Variants in FMN1 observed in about 807,000 individuals in gnomAD.
FMN1 encodes formin-1.
A neutral mutation model predicts 132.4 loss-of-function variants in FMN1; 110 were observed. The ratio of observed to expected loss-of-function variants is 0.83; its 90% confidence interval spans 0.71 to 0.97. The LOEUF (loss-of-function observed/expected upper bound fraction) is 0.97. Among genes scored for constraint, FMN1 ranks in the 50% least tolerant of loss-of-function variants. The probability of loss-of-function intolerance (pLI) is 0.00; values close to 1 mark genes in which losing one functional copy is unlikely to be tolerated. For synonymous variants in FMN1, 722 were observed against 651.7 expected, an observed-to-expected ratio of 1.11 and a Z score of -1.64; for missense variants, 1,792 against 1,705.3, an observed-to-expected ratio of 1.05 and a Z score of -0.90.
intron 4 of FMN1, among the ~76,000 whole-genome samples, chr15:33,151,637 T>A (rs1254850148): frequency 6.6e-6 from 1 of 152,178 alleles, no homozygotes; most frequent in Non-Finnish European, 1.5e-5. Context: ...TAATGCACAG[T>A]TTCTGCAGTT....
chr15:33,191,465 T>G (rs1305102029), intron 2 of FMN1, among the ~76,000 whole-genome samples: 14 of 151,918 alleles, frequency 9.2e-5, no homozygotes, highest in Admixed American at 9.2e-4. Context: ...AGTGGGGAGG[T>G]AAGGATGTCC....
chr15:32,946,199 C>T (rs1285383083), intron 9 of FMN1, among the ~76,000 whole-genome samples: 3 of 152,178 alleles, frequency 2.0e-5, no homozygotes, highest in Non-Finnish European at 4.4e-5. Flanking sequence ...TTAGTCTTAT[C>T]CTCCTTCTTA....
intron 9 of FMN1, among the ~76,000 whole-genome samples, chr15:32,938,538 T>C (rs941563215): frequency 1.3e-5 from 2 of 152,104 alleles, no homozygotes; most frequent in Non-Finnish European, 2.9e-5. Context: ...TGAAGAAATG[T>C]TCCAAATTTT....
At chr15:33,015,553 T>C (rs977748984) in intron 6 of FMN1, among the ~76,000 whole-genome samples, 4 of 152,182 alleles carry the variant, frequency 2.6e-5, no homozygotes, top group African/African-American at 9.7e-5. Context: ...CTGGATTATG[T>C]ACAGTTAGGA....
chr15:32,823,935 C>T (rs2058300863), intron 17 of FMN1, among the ~76,000 whole-genome samples: 1 of 152,232 alleles, frequency 6.6e-6, no homozygotes, highest in African/African-American at 2.4e-5. Context: ...CTACTGCAAA[C>T]ATAGGGAAGA....
intron 19 of FMN1, among the ~76,000 whole-genome samples, chr15:32,779,041 C>T (rs1022609693): frequency 6.6e-6 from 1 of 152,126 alleles, no homozygotes; most frequent in East Asian, 1.9e-4. Flanking sequence ...AAACATTGTG[C>T]TAAGTGAAAG....
chr15:33,098,651 G>A (rs1171252555), intron 4 of FMN1, among the ~76,000 whole-genome samples: 1 of 152,212 alleles, frequency 6.6e-6, no homozygotes, highest in Non-Finnish European at 1.5e-5. Flanking sequence ...CAATGATTAT[G>A]AGACAGCGGA....
At chr15:32,968,642 G>T in intron 8 of FMN1, 72 bp downstream of exon 8, 1 of 1,593,104 alleles carries the variant, frequency 6.3e-7, no homozygotes, top group Non-Finnish European at 8.5e-7. Flanking sequence ...TATTGACCCG[G>T]TAAGAATAAA....
At chr15:32,801,431 T>C (rs1237405721) in intron 18 of FMN1, among the ~76,000 whole-genome samples, 3 of 152,162 alleles carry the variant, frequency 2.0e-5, no homozygotes, top group African/African-American at 7.2e-5. Flanking sequence ...GGCCTGGCTT[T>C]GGCACTCAGC....
intron 2 of FMN1, among the ~76,000 whole-genome samples, chr15:33,185,575 T>A (rs557112071): frequency 1.4e-5 from 2 of 146,454 alleles, no homozygotes; most frequent in South Asian, 4.3e-4. Context: ...AGAATTTTTT[T>A]TTTTTTTTTT....
intron 6 of FMN1, among the ~76,000 whole-genome samples, chr15:33,058,021 A>G (rs919031884): frequency 2.1e-4 from 29 of 140,892 alleles, no homozygotes; most frequent in African/African-American, 2.6e-4. Flanking sequence ...CGGGGCTGGT[A>G]GTGGAAAGGC....
chr15:33,049,799 T>C (rs1453175060), intron 6 of FMN1, among the ~76,000 whole-genome samples: 1 of 152,244 alleles, frequency 6.6e-6, no homozygotes, highest in Non-Finnish European at 1.5e-5. Flanking sequence ...CCGTTGCTTC[T>C]GTACTTCACT....
intron 10 of FMN1, among the ~76,000 whole-genome samples, chr15:32,919,505 A>C (rs1444105997): frequency 1.3e-5 from 2 of 152,226 alleles, no homozygotes; most frequent in South Asian, 4.1e-4. Flanking sequence ...CAGGCTCATA[A>C]GAACCCAAAG....
intron 17 of FMN1, among the ~76,000 whole-genome samples, chr15:32,813,779 T>C (rs1324679576): frequency 1.3e-5 from 2 of 152,186 alleles, no homozygotes; most frequent in Non-Finnish European, 1.5e-5. Flanking sequence ...GATACCCAAG[T>C]AGATGAAGCG....
chr15:32,815,713 T>A (rs1476972165), intron 17 of FMN1, among the ~76,000 whole-genome samples: 1 of 152,192 alleles, frequency 6.6e-6, no homozygotes, highest in Non-Finnish European at 1.5e-5. Context: ...CCAAGGACAG[T>A]CAACCTAATG....
intron 19 of FMN1, among the ~76,000 whole-genome samples, chr15:32,792,444 C>G (rs1398692505): frequency 7.6e-6 from 1 of 132,010 alleles, no homozygotes; most frequent in African/African-American, 2.6e-5. Flanking sequence ...GACTCTGTCT[C>G]AAAACAAAAT....
chr15:33,093,873 A>G (rs560281744), intron 4 of FMN1, among the ~76,000 whole-genome samples: 6 of 152,370 alleles, frequency 3.9e-5, no homozygotes, highest in South Asian at 2.1e-4. Context: ...TCATGCTTAA[A>G]TTCAAATAAA....
At chr15:32,926,092 TTGTA>T in intron 10 of FMN1, 78 bp downstream of exon 10, 2 of 766,410 alleles carry the variant, frequency 2.6e-6, no homozygotes, top group South Asian at 1.7e-5. Flanking sequence ...CATTCTAACT[TTGTA>T]TGTGTTTGAC....
chr15:32,993,989 T>C (rs2033607157), intron 7 of FMN1, among the ~76,000 whole-genome samples: 1 of 152,046 alleles, frequency 6.6e-6, no homozygotes, highest in Admixed American at 6.5e-5. Context: ...AGATTCTAAC[T>C]GTTCTGAAGA....
Sources: gnomAD v4.1 joint callset for allele counts (sites outside exome capture counted in the v4.1 genomes callset) on GRCh38, gnomAD v4.1.1 for gene constraint, MANE v1.5 for transcripts, NCBI Gene and HGNC (gene_info 2026-07-23, HGNC 2026-07-21) for gene names.